The following CDH13 variants were observed in gnomAD, a reference collection of about 807,000 sequenced individuals.
The protein encoded by CDH13 is cadherin 13.
A neutral mutation model predicts 63.8 loss-of-function variants in CDH13; 24 were observed. The ratio of observed to expected loss-of-function variants is 0.38; its 90% CI spans 0.27 to 0.53. CDH13 has a LOEUF of 0.53. Among genes scored for constraint, CDH13 ranks in the 20% least tolerant of loss-of-function variants. The pLI is 0.85. For synonymous variants in CDH13, 503 were observed against 355.3 expected (o/e 1.42, Z -4.67); for missense variants, 1,049 against 903.1 (o/e 1.16, Z -2.07).
chr16:82,997,993 G>A (rs1167127579), intron 2 of CDH13, among the ~76,000 whole-genome samples: 1 of 152,152 alleles, frequency 6.6e-6, no homozygotes, highest in African/African-American at 2.4e-5. Context: ...GAAGATATCA[G>A]TGTTGTATTT....
intron 4 of CDH13, among the ~76,000 whole-genome samples, chr16:83,136,605 C>T (rs2036301740): frequency 6.6e-6 from 1 of 152,126 alleles, no homozygotes; most frequent in South Asian, 2.1e-4. Flanking sequence ...ACAGGGAGGT[C>T]TGCCAGGGGA....
intron 1 of CDH13, among the ~76,000 whole-genome samples, chr16:82,757,086 C>T (rs1386940051): frequency 1.3e-5 from 2 of 152,128 alleles, no homozygotes; most frequent in African/African-American, 2.4e-5. Flanking sequence ...CTCTCACCTC[C>T]AGTCCTCTCT....
At chr16:82,652,331 G>A (rs1364108225) in intron 1 of CDH13, among the ~76,000 whole-genome samples, 1 of 152,218 alleles carries the variant, frequency 6.6e-6, no homozygotes, top group African/African-American at 2.4e-5. Context: ...ACCTGGGCCA[G>A]GATTGTGCCT....
chr16:83,578,221 C>A (rs1053354649), intron 7 of CDH13, among the ~76,000 whole-genome samples: 7 of 152,160 alleles, frequency 4.6e-5, no homozygotes, highest in African/African-American at 1.7e-4. Context: ...ATTCCTGGAG[C>A]AGGAAGAGTG....
At chr16:83,707,364 C>G (rs952132192) in intron 10 of CDH13, among the ~76,000 whole-genome samples, 1 of 152,176 alleles carries the variant, frequency 6.6e-6, no homozygotes, top group East Asian at 1.9e-4. Flanking sequence ...CCTTCTTTGT[C>G]TTAGCCATTT....
At chr16:83,268,386 A>G (rs77357246) in intron 5 of CDH13, among the ~76,000 whole-genome samples, 310 of 152,326 alleles carry the variant, frequency 2.0e-3, no homozygotes, top group Non-Finnish European at 2.9e-3. Context: ...TGCTGCTGCC[A>G]GTTGGCTCAA....
chr16:82,989,169 C>G (rs1911341168), intron 2 of CDH13, among the ~76,000 whole-genome samples: 1 of 152,146 alleles, frequency 6.6e-6, no homozygotes, highest in Non-Finnish European at 1.5e-5. Context: ...GGGTATCCAA[C>G]TGATACCTGG....
chr16:83,088,749 A>C (rs1369377331), intron 3 of CDH13, among the ~76,000 whole-genome samples: 2 of 152,234 alleles, frequency 1.3e-5, no homozygotes, highest in African/African-American at 2.4e-5. Context: ...TGTAGAGTAG[A>C]AAATGCTTCA....
chr16:83,430,081 T>A (rs999710259), intron 6 of CDH13, among the ~76,000 whole-genome samples: 1 of 152,082 alleles, frequency 6.6e-6, no homozygotes, highest in Non-Finnish European at 1.5e-5. Flanking sequence ...CTCAAAAAAT[T>A]AAAAATAGAG....
At position 83,065,524 on chromosome 16, in the gene CDH13, C is replaced by A. The variant is rs1047820585; in HGVS notation, c.366+33306C>A. 5.3e-5 allele frequency among the ~76,000 whole-genome samples: 8 copies of A among 151,986 alleles called. No homozygotes were observed. In the East Asian group the frequency reaches 7.8e-4, roughly 15 times the overall value. The stretch of plus-strand genomic sequence containing the variant: ...GTTCAAAACCAGCCTGGCCAACATG[C>A]TGAAACCCCGTCTCTACTAAAAATA... On this transcript the variant is annotated intron_variant, in intron 3 of 13. Transcript: ENST00000567109.
intron 11 of CDH13, among the ~76,000 whole-genome samples, chr16:83,758,379 C>G (rs1471254729): frequency 6.6e-6 from 1 of 151,740 alleles, no homozygotes; most frequent in African/African-American, 2.4e-5. Context: ...TCAAGAGTTG[C>G]ATTTGAAAAA....
intron 5 of CDH13, among the ~76,000 whole-genome samples, chr16:83,239,180 T>C (rs1487742785): frequency 2.0e-5 from 3 of 152,102 alleles, no homozygotes; most frequent in Admixed American, 2.0e-4. Flanking sequence ...TAAAGTGAGG[T>C]TTCATTAATA....
At chr16:83,253,204 T>C (rs562326301) in intron 5 of CDH13, among the ~76,000 whole-genome samples, 1 of 152,284 alleles carries the variant, frequency 6.6e-6, no homozygotes, top group Admixed American at 6.5e-5. Context: ...CCAAGATGGA[T>C]TTATTTTTCT....
rs71148817 is a variant in CDH13 at position 83,197,271 on chromosome 16, G to GTATATA, written c.484-20060_484-20055dup. Among the ~76,000 whole-genome samples, 128 of 148,012 alleles carry GTATATA rather than the reference G, an allele frequency of 8.6e-4. 1 individual carries two copies. The highest frequency in any genetic ancestry group is 3.4e-3 in the East Asian group (17 of 5,020). On this transcript the variant is annotated intron_variant, in intron 4 of 13. Coordinates refer to ENST00000567109, the MANE Select transcript of CDH13 (RefSeq NM_001257.5). ...TTTAATGTTTGTGGGTGTATCATAG[G>GTATATA]TATATATATATATATATATGCATGG... is the stretch of plus-strand genomic sequence containing the variant.
At chr16:82,761,423 CAG>C (rs1217938584) in intron 1 of CDH13, among the ~76,000 whole-genome samples, 4 of 152,136 alleles carry the variant, frequency 2.6e-5, no homozygotes, top group Non-Finnish European at 4.4e-5. Flanking sequence ...CATTTAGTCA[CAG>C]AGTGTGGGGC....
intron 3 of CDH13, among the ~76,000 whole-genome samples, chr16:83,083,557 A>G (rs977770077): frequency 5.3e-5 from 8 of 152,240 alleles, no homozygotes; most frequent in Non-Finnish European, 1.0e-4. Flanking sequence ...CCCAAAACAC[A>G]TCAGCCCCAC....
chr16:83,782,144 C>G (rs972443691), intron 12 of CDH13, among the ~76,000 whole-genome samples: 1 of 152,118 alleles, frequency 6.6e-6, no homozygotes, highest in African/African-American at 2.4e-5. Flanking sequence ...AGATAAATGC[C>G]TTCTAAATGA....
chr16:83,097,437 C>A (rs1420042971), intron 3 of CDH13, among the ~76,000 whole-genome samples: 1 of 152,142 alleles, frequency 6.6e-6, no homozygotes, highest in African/African-American at 2.4e-5. Context: ...TTGGTAAAGT[C>A]ACAGAATCAG....
intron 1 of CDH13, among the ~76,000 whole-genome samples, chr16:82,719,873 T>G (rs1462877771): frequency 6.8e-6 from 1 of 148,130 alleles, no homozygotes; most frequent in Admixed American, 6.7e-5. Context: ...AAAAAGGTCT[T>G]ACTGTACCAT....
Sources: gnomAD v4.1 joint callset for allele counts (sites outside exome capture counted in the v4.1 genomes callset) on GRCh38, gnomAD v4.1.1 for gene constraint, MANE v1.5 for transcripts, NCBI Gene and HGNC (gene_info 2026-07-23, HGNC 2026-07-21) for gene names.